The following DLGAP2 variants were observed in gnomAD, a reference collection of about 807,000 sequenced individuals.
The protein encoded by DLGAP2 is disks large-associated protein 2.
A neutral mutation model predicts 100.3 loss-of-function variants in DLGAP2; 26 were observed. That is an observed-to-expected ratio of 0.26 (90% CI 0.19 to 0.36). The LOEUF (loss-of-function observed/expected upper bound fraction) is 0.36, where lower values mean the gene tolerates loss of function less well. Ranked by LOEUF, DLGAP2 falls within the 10% of genes least tolerant of loss-of-function variation. The pLI, the probability that DLGAP2 is intolerant of heterozygous loss-of-function variation, is 1.00. For synonymous variants in DLGAP2, 886 were observed against 630.1 expected (o/e 1.41, Z -6.08); for missense variants, 1,858 against 1,453.2 (o/e 1.28, Z -4.53).
At chr8:1,450,610 C>T (rs879699499) in intron 3 of DLGAP2, among the ~76,000 whole-genome samples, 1 of 151,914 alleles carries the variant, frequency 6.6e-6, no homozygotes, top group Admixed American at 6.5e-5. Flanking sequence ...CTCCTGCCTA[C>T]CTTTTTTCCT....
At chr8:1,361,699 C>T (rs1336664784) in intron 3 of DLGAP2, among the ~76,000 whole-genome samples, 2 of 152,282 alleles carry the variant, frequency 1.3e-5, no homozygotes, top group African/African-American at 2.4e-5. Flanking sequence ...AGCACCTTCG[C>T]GCAAGGCCCT....
intron 4 of DLGAP2, among the ~76,000 whole-genome samples, chr8:1,506,811 T>C (rs967073840): frequency 1.6e-4 from 24 of 151,626 alleles, no homozygotes; most frequent in African/African-American, 5.3e-4. Flanking sequence ...CAATCCTCTA[T>C]CTAGACATAA....
Position 872,328 on chromosome 8 carries a change from C to CTTTT in DLGAP2, c.19-35583_19-35580dup, listed in dbSNP as rs770291812. ...AACAGAGGAAAGTTTTCTCTCACTTCTTTTCTTTTTTTTTTTTTTTTTGAG... is the reference window on the plus strand; with the variant it reads ...AACAGAGGAAAGTTTTCTCTCACTTCTTTTTTTTCTTTTTTTTTTTTTTTTTGAG... On this transcript the variant is annotated intron_variant, in intron 1 of 14. Coordinates refer to ENST00000637795, the MANE Select transcript of DLGAP2 (RefSeq NM_001346810.2). Among the ~76,000 whole-genome samples, 85 of 129,504 alleles carry CTTTT rather than the reference C, an allele frequency of 6.6e-4. 6 individuals are homozygous for CTTTT. Among genetic ancestry groups the CTTTT allele is most frequent in the Admixed American group, 1.7e-3 (20 of 11,908 alleles). The allele number at this position is 129,504 out of a possible 152,430, so 85.0% of individuals were successfully genotyped here.
At position 1,437,741 on chromosome 8, in the gene DLGAP2, G is replaced by C. The variant is rs140609126; in HGVS notation, c.107-63625G>C. Among the ~76,000 whole-genome samples the C allele has an allele frequency of 1.2e-3, 181 of 149,368 alleles. 2 individuals are homozygous for C. The highest frequency in any genetic ancestry group is 4.2e-3 in the African/African-American group (170 of 40,596). ...CCAGCACTTTGGGAGGCGAAGGCAG[G>C]TGGATCATTTGAGGTCAGGAGTTCG... is the stretch of plus-strand genomic sequence containing the variant. On this transcript the variant is annotated intron_variant, in intron 3 of 14. Coordinates refer to ENST00000637795, the MANE Select transcript of DLGAP2 (RefSeq NM_001346810.2).
intron 2 of DLGAP2, among the ~76,000 whole-genome samples, chr8:1,242,392 C>T (rs1239706266): frequency 3.3e-5 from 5 of 152,328 alleles, no homozygotes; most frequent in African/African-American, 1.2e-4. Flanking sequence ...CAAGGCCCCA[C>T]ATCACCAGCC....
At chr8:973,485 G>T (rs967797950) in intron 2 of DLGAP2, among the ~76,000 whole-genome samples, 2 of 152,034 alleles carry the variant, frequency 1.3e-5, no homozygotes, top group African/African-American at 4.8e-5. Context: ...GGGTGGTGGG[G>T]CAGGAGGCGC....
chr8:1,179,651 T>G (rs893219905), intron 2 of DLGAP2, among the ~76,000 whole-genome samples: 3 of 152,258 alleles, frequency 2.0e-5, no homozygotes, highest in Non-Finnish European at 2.9e-5. Context: ...CTATGTGTAT[T>G]GCAATCCTAA....
chr8:1,322,042 A>C (rs1271476386), intron 3 of DLGAP2, among the ~76,000 whole-genome samples: 2 of 152,188 alleles, frequency 1.3e-5, no homozygotes, highest in Non-Finnish European at 2.9e-5. Flanking sequence ...AATGGGTTTT[A>C]ATTTTGTAAG....
intron 2 of DLGAP2, chr8:1,250,313 A>G (rs532150127): frequency 6.6e-6 from 1 of 152,350 alleles, no homozygotes; most frequent in South Asian, 2.1e-4. Context: ...TCTCCAGAGC[A>G]ACTCCAGTGC....
chr8:1,201,739 G>A (rs1269099442), intron 2 of DLGAP2, among the ~76,000 whole-genome samples: 1 of 152,210 alleles, frequency 6.6e-6, no homozygotes, highest in African/African-American at 2.4e-5. Flanking sequence ...TTCCCTGTGA[G>A]GGGCTTGTGT....
At chr8:899,889 G>A (rs1798215899) in intron 1 of DLGAP2, among the ~76,000 whole-genome samples, 1 of 152,232 alleles carries the variant, frequency 6.6e-6, no homozygotes, top group African/African-American at 2.4e-5. Context: ...GAACTGCAGA[G>A]GGTGAGACTG....
At chr8:1,344,109 A>ATGTATTCCGGGCCCTGTCGTGGGTCCG (rs1563094931) in intron 3 of DLGAP2, among the ~76,000 whole-genome samples, 11 of 26,832 alleles carry the variant, frequency 4.1e-4, no homozygotes, top group Admixed American at 5.5e-4. Context: ...TCGTGGGTCC[A>ATGTATTCCGGGCCCTGTCGTGGGTCCG]TGTATTCGGG....
At chr8:1,624,845 T>TTCTCTC (rs372888355) in intron 6 of DLGAP2, among the ~76,000 whole-genome samples, 22 of 126,160 alleles carry the variant, frequency 1.7e-4, no homozygotes, top group African/African-American at 7.1e-4. Flanking sequence ...TCCCTTTGCT[T>TTCTCTC]TCTCTCTCTC....
At chr8:1,641,969 C>A (rs62483075) in intron 8 of DLGAP2, among the ~76,000 whole-genome samples, 4,120 of 47,166 alleles carry the variant, frequency 0.087, 200 homozygotes, top group East Asian at 0.11. Context: ...TCACCCTCGA[C>A]CCCGCCGGTC....
At chr8:1,621,504 A>G (rs1432483465) in intron 6 of DLGAP2, 1 of 152,386 alleles carries the variant, frequency 6.6e-6, no homozygotes, top group Admixed American at 6.5e-5. Context: ...GCATCTGAGC[A>G]TGCTGGCTCT....
chr8:1,348,606 C>T lies in DLGAP2; in HGVS notation c.106+89723C>T, dbSNP rs138208470. On this transcript the variant is annotated intron_variant, in intron 3 of 14. Coordinates refer to ENST00000637795, the MANE Select transcript of DLGAP2 (RefSeq NM_001346810.2). Reference sequence around the variant, plus strand: ...TTCCCATTAACATCTGCATTGCACTCATGGTAGCTGTGTGGAGGTTGAGTT... The same window carrying T: ...TTCCCATTAACATCTGCATTGCACTTATGGTAGCTGTGTGGAGGTTGAGTT... Among the ~76,000 whole-genome samples, 17 of 152,050 alleles carry T rather than the reference C, an allele frequency of 1.1e-4. No individual in the cohort carries two copies. In the East Asian group the frequency reaches 3.3e-3, roughly 29 times the overall value.
At chr8:908,760 C>T (rs1050035135) in intron 2 of DLGAP2, among the ~76,000 whole-genome samples, 1 of 152,180 alleles carries the variant, frequency 6.6e-6, no homozygotes, top group Admixed American at 6.5e-5. Context: ...GTGAGGGGCT[C>T]TGCAAGCTGA....
intron 2 of DLGAP2, among the ~76,000 whole-genome samples, chr8:1,112,498 A>G (rs1342622531): frequency 2.0e-5 from 3 of 152,102 alleles, no homozygotes; most frequent in Admixed American, 2.0e-4. Flanking sequence ...CCTCAGCCTT[A>G]CAAAGTGCTG....
rs1040236391 is a variant in DLGAP2, at chr8:854,396, A to T, written c.19-53516A>T. Among the ~76,000 whole-genome samples the T allele has an allele frequency of 1.2e-4, 18 of 152,232 alleles. 1 individual carries two copies. Among genetic ancestry groups the T allele is most frequent in the Admixed American group, 9.2e-4 (14 of 15,290 alleles). ...GTCTTGGTCCATTTGTGTGGCTATA[A>T]CACAATACCTGAGACCCTCACAGGC... On this transcript the variant is annotated intron_variant, in intron 1 of 14. Coordinates refer to ENST00000637795, the MANE Select transcript of DLGAP2 (RefSeq NM_001346810.2).
Sources: allele counts gnomAD v4.1 joint callset (sites outside exome capture counted in the v4.1 genomes callset), GRCh38; gene constraint gnomAD v4.1.1; transcripts MANE v1.5; gene names NCBI Gene and HGNC (gene_info 2026-07-23, HGNC 2026-07-21).